Variants in FBXO10 observed in about 807,000 individuals in gnomAD.
FBXO10 encodes F-box protein 10.
Under a neutral mutation model 80.7 loss-of-function variants are expected in FBXO10, and 39 were observed. That is an observed-to-expected ratio of 0.48 (90% CI 0.37 to 0.63). The LOEUF (loss-of-function observed/expected upper bound fraction) is 0.63. FBXO10 is among the 30% of genes least tolerant of loss of function. The pLI, the probability that FBXO10 is intolerant of heterozygous loss-of-function variation, is 0.00. For synonymous variants in FBXO10, 449 were observed against 489.6 expected (o/e 0.92, Z 1.09); for missense variants, 1,025 against 1,269.0 (o/e 0.81, Z 2.92).
intron 5 of FBXO10, among the ~76,000 whole-genome samples, chr9:37,525,663 C>T (rs890838557): frequency 3.3e-5 from 5 of 151,982 alleles, no homozygotes; most frequent in African/African-American, 9.7e-5. Context: ...GATGTTCGTG[C>T]CTCAGCCTGG....
chr9:37,537,491 C>A lies in FBXO10; in HGVS notation c.1038G>T (p.Arg346Ser), dbSNP rs1404084458. The change falls in exon 3 of 11, where the codon AGG becomes AGT. Residue 346 changes from arginine (R) to serine (S), a missense_variant. By Grantham distance (110) the Arg-to-Ser change is moderately radical (BLOSUM62 -1). Transcript: ENST00000432825. Reference protein sequence around the residue: ...QEAEVGSDGERVAQTPDSSDG... With the variant: ...QEAEVGSDGESVAQTPDSSDG... ...CGCTGCTGTCCGGGGTCTGGGCCAC[C>A]CTTTCACCATCACTACCCACCTCTG... is the stretch of plus-strand genomic sequence containing the variant. 10 of 1,610,446 alleles carry A rather than the reference C, an allele frequency of 6.2e-6. No homozygotes were observed. In the East Asian group the frequency reaches 2.2e-4, roughly 36 times the overall value.
At chr9:37,564,702 C>T (rs1854160) in intron 1 of FBXO10, among the ~76,000 whole-genome samples, 77,994 of 152,158 alleles carry the variant, frequency 0.51, 20,199 homozygotes, top group African/African-American at 0.58. Flanking sequence ...TTTGGCCAAT[C>T]TCTCCCATTT....
At chr9:37,526,401 C>A (rs1464373331) in intron 5 of FBXO10, among the ~76,000 whole-genome samples, 1 of 152,198 alleles carries the variant, frequency 6.6e-6, no homozygotes, top group Non-Finnish European at 1.5e-5. Context: ...GAAAAAAGCA[C>A]AACCTATTCT....
At chr9:37,547,674 T>G (rs762977371) in intron 1 of FBXO10, among the ~76,000 whole-genome samples, 1 of 152,080 alleles carries the variant, frequency 6.6e-6, no homozygotes, top group Non-Finnish European at 1.5e-5. Flanking sequence ...AAAACAGTGC[T>G]TAGGCCAGGC....
Position 37,541,573 on chromosome 9 carries a change from C to T in FBXO10, c.196G>A (p.Val66Met). 1 of 1,613,790 alleles carries T rather than the reference C, an allele frequency of 6.2e-7. No individual in the cohort carries two copies. Among genetic ancestry groups the T allele is most frequent in the South Asian group, 1.1e-5 (1 of 91,038 alleles). ...RHPNWPNQPD[V>M]EPESWREAFK... ...GCTTCTCTCCAAGACTCAGGCTCCA[C>T]ATCTGGCTGGTTGGGCCAATTGGGA... is the stretch of plus-strand genomic sequence containing the variant. The change falls in exon 2 of 11, where the codon GTG becomes ATG. Residue 66 changes from valine (V) to methionine (M), a missense_variant. Around this residue, in one of 3 missense-constraint regions of FBXO10, gnomAD observed 450 missense variants for 499.4 expected, o/e 0.90. Coordinates refer to ENST00000432825, the MANE Select transcript of FBXO10 (RefSeq NM_012166.3).
intron 1 of FBXO10, among the ~76,000 whole-genome samples, chr9:37,560,885 G>A (rs1413638571): frequency 1.3e-5 from 2 of 152,170 alleles, no homozygotes; most frequent in Non-Finnish European, 2.9e-5. Context: ...GCTCATGCCT[G>A]TAATCCCAGC....
intron 1 of FBXO10, among the ~76,000 whole-genome samples, chr9:37,568,539 C>T (rs910896442): frequency 6.6e-6 from 1 of 152,192 alleles, no homozygotes; most frequent in Non-Finnish European, 1.5e-5. Flanking sequence ...AACCAATTTA[C>T]TTTGTTTTCT....
At chr9:37,540,322 G>C (rs1238575241) in intron 2 of FBXO10, among the ~76,000 whole-genome samples, 1 of 151,876 alleles carries the variant, frequency 6.6e-6, no homozygotes, top group East Asian at 1.9e-4. Flanking sequence ...CGAGTAGCTG[G>C]GATTACAGGC....
intron 10 of FBXO10, among the ~76,000 whole-genome samples, chr9:37,514,299 AG>A (rs1243302204): frequency 6.6e-6 from 1 of 152,182 alleles, no homozygotes; most frequent in Non-Finnish European, 1.5e-5. Context: ...TTAGGACCTC[AG>A]GGTACACAGC....
chr9:37,526,155 G>A (rs1271082808), intron 5 of FBXO10, among the ~76,000 whole-genome samples: 2 of 152,148 alleles, frequency 1.3e-5, no homozygotes, highest in African/African-American at 2.4e-5. Context: ...GGACAGATCA[G>A]TGTACCAAGA....
In FBXO10 at chr9:37,537,459, C is replaced by T. The variant is rs376483881; in HGVS notation, c.1070G>A (p.Gly357Asp). ...VAQTPDSSDG[G>D]LSPSGEDEDE... ...TTCATCCTCACCGCTGGGACTCAGG[C>T]CTCCATCGCTGCTGTCCGGGGTCTG... The change falls in exon 3 of 11, where the codon GGC becomes GAC. Residue 357 changes from glycine to aspartate, a missense_variant. Coordinates refer to ENST00000432825, the MANE Select transcript of FBXO10 (RefSeq NM_012166.3). 7 of 1,605,394 alleles carry T rather than the reference C, an allele frequency of 4.4e-6. No homozygotes were observed. The African/African-American group carries it at 9.4e-5, about 21-fold the overall frequency.
At chr9:37,550,170 T>TTTTTTG (rs1491387812) in intron 1 of FBXO10, among the ~76,000 whole-genome samples, 1 of 37,006 alleles carries the variant, frequency 2.7e-5, no homozygotes, top group East Asian at 5.1e-4. Context: ...TCGTCTCAGG[T>TTTTTTG]TTTTTTTTTT....
chr9:37,574,762 T>C (rs1361661049), intron 1 of FBXO10, among the ~76,000 whole-genome samples: 1 of 152,142 alleles, frequency 6.6e-6, no homozygotes, highest in African/African-American at 2.4e-5. Flanking sequence ...GGCAGGGAGA[T>C]GGATATATAT....
At chr9:37,568,819 G>A (rs1026894112) in intron 1 of FBXO10, among the ~76,000 whole-genome samples, 1 of 151,974 alleles carries the variant, frequency 6.6e-6, no homozygotes, top group African/African-American at 2.4e-5. Context: ...CACTTATAAC[G>A]GAAATCTATC....
chr9:37,522,879 C>A lies in FBXO10; in HGVS notation c.1876G>T (p.Gly626Cys). ...SNLICFGYSDGVVVGDEGKGL... is the reference protein window; with the variant it reads ...SNLICFGYSDCVVVGDEGKGL... ...TTGCCTTCGTCTCCCACAACCACAC[C>A]ATCTGAATAGCCAAAGCAGATGAGG... Residue 626 changes from glycine to cysteine, a missense_variant, in exon 7 of 11, where the codon GGT (glycine) becomes TGT (cysteine). Physicochemically the swap from Gly to Cys is radical, Grantham distance 159. This residue lies in a region of FBXO10 where 478 missense variants were observed against 667.8 expected (regional missense o/e 0.72). Coordinates refer to ENST00000432825, the MANE Select transcript of FBXO10 (RefSeq NM_012166.3). 1 of 1,558,958 alleles carries A rather than the reference C, an allele frequency of 6.4e-7. No individual in the cohort carries two copies. The highest frequency in any genetic ancestry group is 8.7e-7 in the Non-Finnish European group (1 of 1,151,336).
intron 1 of FBXO10, among the ~76,000 whole-genome samples, chr9:37,571,026 A>G (rs192960739): frequency 4.1e-4 from 63 of 152,212 alleles, no homozygotes; most frequent in African/African-American, 1.4e-3. Flanking sequence ...ACAACTTTAT[A>G]TAAGTAAATA....
chr9:37,548,155 C>T (rs569135383), intron 1 of FBXO10, among the ~76,000 whole-genome samples: 37 of 152,240 alleles, frequency 2.4e-4, no homozygotes, highest in East Asian at 1.2e-3. Flanking sequence ...GAGGCCAGGG[C>T]GGGTGGATCA....
intron 10 of FBXO10, among the ~76,000 whole-genome samples, chr9:37,512,938 C>G (rs923519779): frequency 1.1e-4 from 17 of 152,238 alleles, no homozygotes; most frequent in African/African-American, 3.9e-4. Flanking sequence ...CTGCCTTCAA[C>G]TCTGCATGTA....
chr9:37,548,292 G>A (rs931746222), intron 1 of FBXO10, among the ~76,000 whole-genome samples: 3 of 151,974 alleles, frequency 2.0e-5, no homozygotes, highest in African/African-American at 7.2e-5. Flanking sequence ...GGCTGAGGCA[G>A]GAGAATCACT....
Sources: gnomAD v4.1 joint callset for allele counts (sites outside exome capture counted in the v4.1 genomes callset) on GRCh38, gnomAD v4.1.1 for gene constraint, gnomAD v4.1.1 regional missense constraint, MANE v1.5 for transcripts, NCBI Gene and HGNC (gene_info 2026-07-23, HGNC 2026-07-21) for gene names.